Variants in FGF12 observed in about 807,000 individuals in gnomAD.
FGF12 encodes fibroblast growth factor 12.
In FGF12, 14 loss-of-function variants were observed where a neutral mutation model predicts 23.6. The ratio of observed to expected loss-of-function variants is 0.59; its 90% CI spans 0.39 to 0.93. The LOEUF (loss-of-function observed/expected upper bound fraction) is 0.93. Ranked by LOEUF, FGF12 falls within the 40% of genes least tolerant of loss-of-function variation. FGF12 has a pLI of 0.00. For synonymous variants in FGF12, 62 were observed against 77.3 expected (o/e 0.80, Z 1.04); for missense variants, 175 against 217.8 (o/e 0.80, Z 1.24).
chr3:192,725,300 A>G (rs1420712246), intron 2 of FGF12, among the ~76,000 whole-genome samples: 1 of 142,198 alleles, frequency 7.0e-6, no homozygotes, highest in South Asian at 2.2e-4. Context: ...TTTTTTTTTC[A>G]GAGGCAATTA....
intron 2 of FGF12, among the ~76,000 whole-genome samples, chr3:192,561,488 G>C (rs1358002982): frequency 7.2e-5 from 11 of 151,912 alleles, no homozygotes; most frequent in Non-Finnish European, 1.5e-5. Flanking sequence ...TCAGCCTTCT[G>C]AGTAGCTGGG....
chr3:192,512,833 TAA>T (rs1254342220), intron 2 of FGF12, among the ~76,000 whole-genome samples: 2 of 94,144 alleles, frequency 2.1e-5, no homozygotes, highest in Non-Finnish European at 2.1e-5. Flanking sequence ...TATACTCAAA[TAA>T]ATATATATAT....
chr3:192,706,016 A>G (rs192578470), intron 2 of FGF12, among the ~76,000 whole-genome samples: 3 of 152,336 alleles, frequency 2.0e-5, no homozygotes, highest in African/African-American at 7.2e-5. Context: ...TGTAGACACA[A>G]TTGGTTTCTC....
intron 2 of FGF12, among the ~76,000 whole-genome samples, chr3:192,580,689 C>A (rs1360018755): frequency 6.6e-6 from 1 of 152,114 alleles, no homozygotes; most frequent in African/African-American, 2.4e-5. Flanking sequence ...CTCTCTGTAA[C>A]CTCCGCCTCC....
chr3:192,522,581 T>G (rs1277834154), intron 2 of FGF12, among the ~76,000 whole-genome samples: 1 of 152,182 alleles, frequency 6.6e-6, no homozygotes, highest in East Asian at 1.9e-4. Context: ...AATTCCCCCT[T>G]TGGCAAATTC....
At chr3:192,669,593 ACT>A (rs1192070538) in intron 2 of FGF12, among the ~76,000 whole-genome samples, 3 of 118,814 alleles carry the variant, frequency 2.5e-5, no homozygotes, top group East Asian at 2.6e-4. Context: ...ACAGAGAAAG[ACT>A]CTGTCTTAAA....
At chr3:192,722,852 T>G (rs1010216608) in intron 2 of FGF12, among the ~76,000 whole-genome samples, 3 of 152,196 alleles carry the variant, frequency 2.0e-5, no homozygotes, top group African/African-American at 7.2e-5. Context: ...AGTTCAGAGA[T>G]TGCATCTTAG....
intron 2 of FGF12, among the ~76,000 whole-genome samples, chr3:192,476,873 G>A (rs1000725570): frequency 5.3e-5 from 8 of 152,164 alleles, no homozygotes; most frequent in African/African-American, 1.9e-4. Flanking sequence ...AACAAGATTG[G>A]AGCCATATAC....
chr3:192,292,169 G>A (rs7615554), intron 4 of FGF12, among the ~76,000 whole-genome samples: 57,004 of 151,994 alleles, frequency 0.38, 11,826 homozygotes, highest in East Asian at 0.9. Context: ...TGTTATAAGC[G>A]ACTTTCTAAG....
At position 192,503,667 on chromosome 3, in the gene FGF12, G is replaced by A. The variant is rs149072559; in HGVS notation, c.14-143129C>T. On this transcript the variant is annotated intron_variant, in intron 2 of 5. Coordinates refer to ENST00000445105, the MANE Select transcript of FGF12 (RefSeq NM_004113.6). Reference sequence around the variant, plus strand: ...GTCACCCAGGCTGGAGTGCAATGGCGCAATCTCGGCTCACTGCAAGCTCTG... The same window carrying A: ...GTCACCCAGGCTGGAGTGCAATGGCACAATCTCGGCTCACTGCAAGCTCTG... 4.5e-3 allele frequency among the ~76,000 whole-genome samples: 637 copies of A among 141,734 alleles called. 5 individuals are homozygous for A. The highest frequency in any genetic ancestry group is 0.016 in the African/African-American group (602 of 37,986). The allele number at this position is 141,734 out of a possible 152,430, so 93.0% of individuals were successfully genotyped here. A position where few individuals can be genotyped will look rare whatever the true frequency, so the allele number is the denominator to read the frequency against.
At chr3:192,459,314 G>C (rs1722781741) in intron 2 of FGF12, among the ~76,000 whole-genome samples, 1 of 152,166 alleles carries the variant, frequency 6.6e-6, no homozygotes, top group African/African-American at 2.4e-5. Context: ...TTCAATTCTT[G>C]TTGTGAATGC....
At chr3:192,387,129 C>T (rs1010364045) in intron 2 of FGF12, among the ~76,000 whole-genome samples, 5 of 152,152 alleles carry the variant, frequency 3.3e-5, no homozygotes, top group Admixed American at 3.3e-4. Flanking sequence ...CACTGCAAAT[C>T]CTGGGATCGT....
chr3:192,171,225 G>A (rs1250331031), intron 4 of FGF12, among the ~76,000 whole-genome samples: 4 of 151,828 alleles, frequency 2.6e-5, no homozygotes, highest in African/African-American at 9.7e-5. Context: ...AAAAAGCCCA[G>A]GAATAATAGA....
At chr3:192,723,220 G>C (rs1209976572) in intron 2 of FGF12, among the ~76,000 whole-genome samples, 1 of 151,822 alleles carries the variant, frequency 6.6e-6, no homozygotes, top group Non-Finnish European at 1.5e-5. Flanking sequence ...GAGCAGCAAG[G>C]GTATTTAAAA....
At chr3:192,291,580 C>A (rs1300390117) in intron 4 of FGF12, among the ~76,000 whole-genome samples, 1 of 150,476 alleles carries the variant, frequency 6.6e-6, no homozygotes, top group Non-Finnish European at 1.5e-5. Context: ...AAAACCCTGT[C>A]TTAAAAAAAA....
intron 2 of FGF12, among the ~76,000 whole-genome samples, chr3:192,387,863 G>C (rs916340406): frequency 1.3e-5 from 2 of 151,954 alleles, no homozygotes; most frequent in Non-Finnish European, 2.9e-5. Flanking sequence ...CTCCAGCCTG[G>C]GTGACACAGT....
chr3:192,492,360 A>T (rs958253972), intron 2 of FGF12, among the ~76,000 whole-genome samples: 4 of 152,140 alleles, frequency 2.6e-5, no homozygotes, highest in Non-Finnish European at 5.9e-5. Context: ...GAAAGAAAAA[A>T]ATATATAAAA....
intron 2 of FGF12, among the ~76,000 whole-genome samples, chr3:192,411,736 T>C (rs1721206240): frequency 1.3e-5 from 2 of 152,210 alleles, no homozygotes; most frequent in African/African-American, 4.8e-5. Flanking sequence ...TCCTTGCTAT[T>C]AAACACCCAC....
intron 2 of FGF12, among the ~76,000 whole-genome samples, chr3:192,385,243 A>G (rs1719991700): frequency 6.6e-6 from 1 of 152,054 alleles, no homozygotes; most frequent in Admixed American, 6.6e-5. Context: ...ATATGTTACA[A>G]CATATCCTAA....
Sources: allele counts gnomAD v4.1 joint callset (sites outside exome capture counted in the v4.1 genomes callset), GRCh38; gene constraint gnomAD v4.1.1; transcripts MANE v1.5; gene names NCBI Gene and HGNC (gene_info 2026-07-23, HGNC 2026-07-21).